The following DYNC1I1 variants were observed in gnomAD, a reference collection of about 807,000 sequenced individuals.
DYNC1I1 encodes cytoplasmic dynein 1 intermediate chain 1.
A neutral mutation model predicts 86.6 loss-of-function variants in DYNC1I1; 43 were observed. That is an observed-to-expected ratio of 0.50 (90% CI 0.39 to 0.64). The LOEUF (loss-of-function observed/expected upper bound fraction) is 0.64. Ranked by LOEUF, DYNC1I1 falls within the 30% of genes least tolerant of loss-of-function variation. The pLI is 0.00. For missense variants in DYNC1I1, 604 were observed against 788.8 expected (o/e 0.77, Z 2.81); for synonymous variants, 262 against 283.7 (o/e 0.92, Z 0.77).
At chr7:95,793,913 A>G (rs745431084) in intron 1 of DYNC1I1, among the ~76,000 whole-genome samples, 2 of 152,202 alleles carry the variant, frequency 1.3e-5, no homozygotes, top group African/African-American at 2.4e-5. Flanking sequence ...ACCCCTTTCT[A>G]TGTGCTCCTT....
At chr7:95,778,375 G>T (rs186469193) in intron 1 of DYNC1I1, among the ~76,000 whole-genome samples, 1 of 152,160 alleles carries the variant, frequency 6.6e-6, no homozygotes, top group Non-Finnish European at 1.5e-5. Flanking sequence ...GGAGGCCAGG[G>T]GTATGCAAAT....
downstream of DYNC1I1, among the ~76,000 whole-genome samples, chr7:96,099,868 A>G (rs115931885): frequency 3.9e-3 from 594 of 152,274 alleles, 5 homozygotes; most frequent in African/African-American, 0.013. Flanking sequence ...TCTTGGCACA[A>G]TCAATCTTGG....
intron 16 of DYNC1I1, among the ~76,000 whole-genome samples, chr7:96,103,956 A>G (rs1791175994): frequency 1.3e-5 from 2 of 152,094 alleles, no homozygotes; most frequent in Admixed American, 1.3e-4. Context: ...GATATTTGGT[A>G]TTGTAGGTCT....
At chr7:96,002,535 A>G (rs1050948474) in intron 10 of DYNC1I1, among the ~76,000 whole-genome samples, 3 of 152,200 alleles carry the variant, frequency 2.0e-5, no homozygotes, top group African/African-American at 7.2e-5. Context: ...AATAAATGTG[A>G]TGTATTTAGT....
At chr7:95,990,816 G>T (rs2115724563) in intron 9 of DYNC1I1, among the ~76,000 whole-genome samples, 1 of 152,222 alleles carries the variant, frequency 6.6e-6, no homozygotes, top group African/African-American at 2.4e-5. Flanking sequence ...GATCACTTGA[G>T]CCCAGGAGTT....
chr7:96,027,027 A>G (rs1794699077), intron 10 of DYNC1I1, among the ~76,000 whole-genome samples: 1 of 152,156 alleles, frequency 6.6e-6, no homozygotes, highest in African/African-American at 2.4e-5. Context: ...CTTACTCTCC[A>G]TTTGCCAAGG....
intron 6 of DYNC1I1, among the ~76,000 whole-genome samples, chr7:95,957,672 A>G (rs1410254627): frequency 6.6e-6 from 1 of 152,208 alleles, no homozygotes; most frequent in Non-Finnish European, 1.5e-5. Context: ...TGACTCCTGC[A>G]GCCTGAAGCC....
At chr7:95,983,354 A>G (rs911001444) in intron 7 of DYNC1I1, among the ~76,000 whole-genome samples, 1 of 152,130 alleles carries the variant, frequency 6.6e-6, no homozygotes, top group African/African-American at 2.4e-5. Context: ...GTGTGTTAGG[A>G]GAAATTCTTC....
chr7:96,102,317 C>A (rs965946075), downstream of DYNC1I1, among the ~76,000 whole-genome samples: 2 of 152,184 alleles, frequency 1.3e-5, no homozygotes, highest in African/African-American at 4.8e-5. Context: ...TGGTATCACA[C>A]AGACTATGCA....
intron 1 of DYNC1I1, among the ~76,000 whole-genome samples, chr7:95,786,395 A>G (rs1196661551): frequency 6.6e-6 from 1 of 151,972 alleles, no homozygotes; most frequent in African/African-American, 2.4e-5. Flanking sequence ...TCTTGCAAGC[A>G]CTCTTTAGTA....
At chr7:95,804,627 T>C in intron 1 of DYNC1I1, 94 bp from the exon 2 acceptor site, 1 of 1,292,408 alleles carries the variant, frequency 7.7e-7, no homozygotes, top group Non-Finnish European at 1.0e-6. Context: ...AAAAGTCACA[T>C]TGTTAAGTTG....
At position 96,059,058 on chromosome 7, in the gene DYNC1I1, G is replaced by A. The variant is rs146914525; in HGVS notation, c.1510-16999G>A. ...GGGAGATACTGGATTTGATTCCTAC[G>A]ACCTTCTGGTTACAACATTTTCATC... On this transcript the variant is annotated intron_variant, in intron 14 of 16. Coordinates refer to ENST00000447467, the MANE Select transcript of DYNC1I1 (RefSeq NM_001135556.2). Among the ~76,000 whole-genome samples, 10 of 152,052 alleles carry A rather than the reference G, an allele frequency of 6.6e-5. No individual in the cohort carries two copies. In the East Asian group the frequency reaches 1.7e-3, roughly 26 times the overall value.
At chr7:95,995,249 AAAATAAATAAAT>A (rs71127433) in intron 9 of DYNC1I1, among the ~76,000 whole-genome samples, 44 of 143,130 alleles carry the variant, frequency 3.1e-4, no homozygotes, top group Middle Eastern at 3.5e-3. Context: ...TCCATCTCAA[AAAATAAATAAAT>A]AAATAAATAA....
intron 11 of DYNC1I1, 63 bp from the exon 12 acceptor site, chr7:96,032,604 C>A: frequency 8.1e-7 from 1 of 1,240,416 alleles, no homozygotes; most frequent in Non-Finnish European, 1.2e-6. Context: ...ATGTGTTTGA[C>A]ACTCAAATGT....
intron 6 of DYNC1I1, among the ~76,000 whole-genome samples, chr7:95,955,942 C>T (rs1295520854): frequency 6.6e-6 from 1 of 152,098 alleles, no homozygotes; most frequent in Admixed American, 6.5e-5. Context: ...GTGCCTGTTA[C>T]TGAGAGTAAC....
rs1179136191 is a variant in DYNC1I1 at position 96,108,816 on chromosome 7, G to A, written c.1543-1163G>A. Among the ~76,000 whole-genome samples the A allele has an allele frequency of 2.8e-5, 4 of 145,340 alleles. No homozygotes were observed. In the East Asian group the frequency reaches 6.1e-4, roughly 22 times the overall value. ...GCAGAGGTTGCAGTGAGCCAAGATC[G>A]CACCACTGCACTCCAGCCTTGGCGA... On this transcript the variant is annotated intron_variant, in intron 16 of 16. Transcript: ENST00000537881.
chr7:96,064,578 A>G (rs1789900648), intron 14 of DYNC1I1, among the ~76,000 whole-genome samples: 1 of 152,162 alleles, frequency 6.6e-6, no homozygotes, highest in South Asian at 2.1e-4. Flanking sequence ...ATCTCAAGGT[A>G]CCAAAGTGAG....
intron 6 of DYNC1I1, among the ~76,000 whole-genome samples, chr7:95,916,986 T>TA (rs1160075488): frequency 6.6e-6 from 1 of 152,212 alleles, no homozygotes; most frequent in African/African-American, 2.4e-5. Context: ...TGCGGAGCCC[T>TA]TAGCTGACCC....
At position 95,967,318 on chromosome 7, in the gene DYNC1I1, C is replaced by T. The variant is rs75561046; in HGVS notation, c.491-10194C>T. ...GAGGTTAAAGGAAGAAGAAATCCCG[C>T]CAACAGGTAGAGCAGGAACAATTTG... is the stretch of plus-strand genomic sequence containing the variant. On this transcript the variant is annotated intron_variant, in intron 6 of 16. Coordinates refer to ENST00000447467, the MANE Select transcript of DYNC1I1 (RefSeq NM_001135556.2). Among the ~76,000 whole-genome samples, 1,065 of 152,176 alleles carry T rather than the reference C, an allele frequency of 7.0e-3. 15 individuals carry two copies. Among genetic ancestry groups the T allele is most frequent in the African/African-American group, 0.024 (1,000 of 41,516 alleles).
Sources: allele counts gnomAD v4.1 joint callset (sites outside exome capture counted in the v4.1 genomes callset), GRCh38; gene constraint gnomAD v4.1.1; transcripts MANE v1.5; gene names NCBI Gene and HGNC (gene_info 2026-07-23, HGNC 2026-07-21).